PARD3: variants seen among roughly 807,000 people sequenced by gnomAD.
The protein encoded by PARD3 is par-3 family cell polarity regulator.
A neutral mutation model predicts 155.4 loss-of-function variants in PARD3; 75 were observed. The ratio of observed to expected loss-of-function variants is 0.48; its 90% CI spans 0.40 to 0.58. The LOEUF is 0.58. Among genes scored for constraint, PARD3 ranks in the 20% least tolerant of loss-of-function variants. PARD3 has a pLI of 0.00. For synonymous variants in PARD3, 576 were observed against 610.5 expected, an observed-to-expected ratio of 0.94 and a Z score of 0.83; for missense variants, 1,642 against 1,721.7, an observed-to-expected ratio of 0.95 and a Z score of 0.82.
intron 14 of PARD3, among the ~76,000 whole-genome samples, chr10:34,350,633 C>A (rs868067590): frequency 1.2e-4 from 5 of 40,720 alleles, no homozygotes; most frequent in South Asian, 1.5e-3. Flanking sequence ...TCCATCTTGG[C>A]GGGGGGGGAG....
At chr10:34,700,798 CCT>C (rs2094260377) in intron 1 of PARD3, among the ~76,000 whole-genome samples, 2 of 152,026 alleles carry the variant, frequency 1.3e-5, no homozygotes, top group African/African-American at 4.8e-5. Flanking sequence ...ATGATGAAAC[CCT>C]GTCTCTACAA....
intron 22 of PARD3, among the ~76,000 whole-genome samples, chr10:34,204,231 C>T (rs1188842405): frequency 6.6e-6 from 1 of 152,124 alleles, no homozygotes; most frequent in Non-Finnish European, 1.5e-5. Flanking sequence ...AGGAAAGGCA[C>T]CAAGTTCAAG....
chr10:34,298,963 CA>C (rs757275159), intron 20 of PARD3, among the ~76,000 whole-genome samples: 83 of 152,298 alleles, frequency 5.4e-4, no homozygotes, highest in Middle Eastern at 3.4e-3. Context: ...TCTTACAGAT[CA>C]AGGCATGGAG....
chr10:34,193,651 A>C (rs1024999119), intron 22 of PARD3, among the ~76,000 whole-genome samples: 1 of 152,198 alleles, frequency 6.6e-6, no homozygotes, highest in Non-Finnish European at 1.5e-5. Flanking sequence ...TTCTTTTAGC[A>C]ATGGGTAGTT....
intron 2 of PARD3, among the ~76,000 whole-genome samples, chr10:34,592,741 T>C (rs569904273): frequency 9.2e-5 from 14 of 152,208 alleles, no homozygotes; most frequent in African/African-American, 3.1e-4. Context: ...CACCACTGCA[T>C]TCCAGCCTGG....
chr10:34,631,578 T>C (rs1370160877), intron 2 of PARD3, among the ~76,000 whole-genome samples: 1 of 152,184 alleles, frequency 6.6e-6, no homozygotes, highest in East Asian at 1.9e-4. Context: ...TAAATTGCTC[T>C]AATTTCATAA....
rs1051338998 is a variant in PARD3, at chr10:34,395,862, A to G, written c.890+3468T>C. Among the ~76,000 whole-genome samples, 18 of 151,050 alleles carry G rather than the reference A, an allele frequency of 1.2e-4. 4 individuals carry two copies. The highest frequency in any genetic ancestry group is 8.6e-4 in the Admixed American group (13 of 15,144). Reference sequence around the variant, plus strand: ...CCGTCTCAAAAAAAAAAAAAAAAAAAAAAAAGAAAAACATCATCATGGGGA... The same window carrying G: ...CCGTCTCAAAAAAAAAAAAAAAAAAGAAAAAGAAAAACATCATCATGGGGA... On this transcript the variant is annotated intron_variant, in intron 7 of 24. Coordinates refer to ENST00000374788, the MANE Select transcript of PARD3 (RefSeq NM_001184785.2).
chr10:34,708,702 T>C (rs1397565578), intron 1 of PARD3, among the ~76,000 whole-genome samples: 1 of 152,080 alleles, frequency 6.6e-6, no homozygotes, highest in Non-Finnish European at 1.5e-5. Context: ...ACGTTAAAAA[T>C]ATGTCATTAA....
chr10:34,314,729 C>T (rs1411494571), intron 20 of PARD3, among the ~76,000 whole-genome samples: 2 of 152,108 alleles, frequency 1.3e-5, no homozygotes, highest in Non-Finnish European at 2.9e-5. Flanking sequence ...TAGTATTAGC[C>T]CTATGTCCAT....
chr10:34,447,205 G>C (rs1424890629), intron 5 of PARD3, among the ~76,000 whole-genome samples: 1 of 152,014 alleles, frequency 6.6e-6, no homozygotes, highest in East Asian at 1.9e-4. Context: ...AATACAGCCG[G>C]GTAGAGTGGC....
rs1175456652 is a variant in PARD3 at position 34,809,510 on chromosome 10, G to C, written c.120+5366C>G. ...GAGAGCCAGCCTCCTGGAGATGGCTGTCTGGGCTAAGACTCACGAATGAGT... is the reference window on the plus strand; with the variant it reads ...GAGAGCCAGCCTCCTGGAGATGGCTCTCTGGGCTAAGACTCACGAATGAGT... On this transcript the variant is annotated intron_variant, in intron 1 of 24. Coordinates refer to ENST00000374788, the MANE Select transcript of PARD3 (RefSeq NM_001184785.2). 2.0e-5 allele frequency among the ~76,000 whole-genome samples: 3 copies of C among 152,344 alleles called. No homozygotes were observed. In the East Asian group the frequency reaches 5.8e-4, roughly 29 times the overall value.
chr10:34,617,824 C>T (rs2091362361), intron 2 of PARD3, among the ~76,000 whole-genome samples: 2 of 152,170 alleles, frequency 1.3e-5, no homozygotes, highest in Non-Finnish European at 2.9e-5. Flanking sequence ...AAGGGCTACA[C>T]TCTAGGGGCT....
At chr10:34,622,802 T>C (rs2496717) in intron 2 of PARD3, among the ~76,000 whole-genome samples, 114 of 151,764 alleles carry the variant, frequency 7.5e-4, no homozygotes, top group Non-Finnish European at 1.4e-3. Context: ...ATGACTTACA[T>C]TGCCTGAGTT....
rs924310582 is a variant in PARD3, at chr10:34,184,677, T to A, written c.3420-53094A>T. Among the ~76,000 whole-genome samples the A allele has an allele frequency of 2.0e-5, 3 of 148,378 alleles. No individual in the cohort carries two copies. In the East Asian group the frequency reaches 6.0e-4, roughly 30 times the overall value. ...CCAGCTCACCAACGCCTGCACATCA[T>A]CCTGTGTTCCAGGCCTTTCGGTTTT... is the stretch of plus-strand genomic sequence containing the variant. On this transcript the variant is annotated intron_variant, in intron 22 of 24. Coordinates refer to ENST00000374788, the MANE Select transcript of PARD3 (RefSeq NM_001184785.2).
chr10:34,562,043 G>A, intron 2 of PARD3, among the ~76,000 whole-genome samples: 1 of 136,020 alleles, frequency 7.4e-6, no homozygotes. Flanking sequence ...CTGAGGGAGA[G>A]AATCACTTGA....
At chr10:34,666,814 T>TACACAC (rs1200796084) in intron 2 of PARD3, among the ~76,000 whole-genome samples, 8 of 92,112 alleles carry the variant, frequency 8.7e-5, no homozygotes, top group African/African-American at 3.4e-4. Flanking sequence ...TATATATATA[T>TACACAC]ATACACACAC....
chr10:34,432,303 G>A lies in PARD3; in HGVS notation c.714+18014C>T, dbSNP rs1589554153. Among the ~76,000 whole-genome samples the A allele has an allele frequency of 2.7e-5, 4 of 147,358 alleles. 1 individual carries two copies. Among genetic ancestry groups the A allele is most frequent in the African/African-American group, 1.0e-4 (4 of 39,864 alleles). ...AGGAATATGGCTGAAATGAGAACAGGTGCTGTGAAAATAGAAAGATATACA... is the reference window on the plus strand; with the variant it reads ...AGGAATATGGCTGAAATGAGAACAGATGCTGTGAAAATAGAAAGATATACA... On this transcript the variant is annotated intron_variant, in intron 5 of 24. Coordinates refer to ENST00000374788, the MANE Select transcript of PARD3 (RefSeq NM_001184785.2).
intron 22 of PARD3, among the ~76,000 whole-genome samples, chr10:34,247,886 C>T (rs1214059567): frequency 2.6e-5 from 4 of 152,172 alleles, no homozygotes; most frequent in African/African-American, 9.7e-5. Context: ...TTAAGTACTA[C>T]TATACTCCCA....
At chr10:34,131,731 G>T in intron 22 of PARD3, 148 bp from the exon 23 acceptor site, 2 of 676,498 alleles carry the variant, frequency 3.0e-6, no homozygotes, top group Non-Finnish European at 5.0e-6. Flanking sequence ...TTTAAAATAT[G>T]TTTTCATTTT....
Sources: gnomAD v4.1 joint callset for allele counts (sites outside exome capture counted in the v4.1 genomes callset) on GRCh38, gnomAD v4.1.1 for gene constraint, MANE v1.5 for transcripts, NCBI Gene and HGNC (gene_info 2026-07-23, HGNC 2026-07-21) for gene names.